LUZP2: variants seen among roughly 807,000 people sequenced by gnomAD.
LUZP2 encodes leucine zipper protein 2.
In LUZP2, 52 loss-of-function variants were observed where a neutral mutation model predicts 51.6. The ratio of observed to expected loss-of-function variants is 1.01; its 90% CI spans 0.81 to 1.27. LUZP2 has a LOEUF of 1.27. LUZP2 is among the 50% of genes most tolerant of loss of function. The probability of loss-of-function intolerance (pLI) is 0.00; values close to 1 mark genes in which losing one functional copy is unlikely to be tolerated. For synonymous variants in LUZP2, 154 were observed against 137.3 expected (o/e 1.12, Z -0.85); for missense variants, 436 against 395.4 (o/e 1.10, Z -0.87).
chr11:24,646,028 T>A (rs962022830), intron 1 of LUZP2, among the ~76,000 whole-genome samples: 4 of 152,070 alleles, frequency 2.6e-5, no homozygotes, highest in African/African-American at 9.7e-5. Flanking sequence ...CTGCCTCTCA[T>A]GAGTTGTGTG....
At chr11:24,676,270 A>T (rs2133859609) in intron 1 of LUZP2, among the ~76,000 whole-genome samples, 1 of 152,348 alleles carries the variant, frequency 6.6e-6, no homozygotes, top group East Asian at 1.9e-4. Context: ...TAATTTTTAT[A>T]GGCTGAAATT....
intron 5 of LUZP2, chr11:24,891,441 C>T: frequency 1.0e-6 from 1 of 956,876 alleles, no homozygotes; most frequent in African/African-American, 1.8e-5. Flanking sequence ...TGGAAAACAC[C>T]TTTTGGTTCC....
intron 1 of LUZP2, among the ~76,000 whole-genome samples, chr11:24,716,757 A>T (rs1217730185): frequency 6.6e-6 from 1 of 152,112 alleles, no homozygotes; most frequent in East Asian, 1.9e-4. Flanking sequence ...TGTTCTGGGC[A>T]TGATGGCAGG....
intron 9 of LUZP2, among the ~76,000 whole-genome samples, chr11:25,040,137 G>A (rs1170663279): frequency 1.3e-5 from 2 of 151,880 alleles, no homozygotes; most frequent in African/African-American, 4.8e-5. Flanking sequence ...TAATATATTT[G>A]GCAAACTTAA....
At chr11:24,962,456 G>A (rs1458422991) in intron 7 of LUZP2, among the ~76,000 whole-genome samples, 1 of 152,140 alleles carries the variant, frequency 6.6e-6, no homozygotes, top group Non-Finnish European at 1.5e-5. Context: ...TGGAGGCTTT[G>A]TTCATTTCTT....
In LUZP2 at chr11:25,080,076, A is replaced by G. The variant is rs1859422837; in HGVS notation, c.*1418A>G. The G allele has an allele frequency of 6.6e-6, 1 of 152,172 alleles. No homozygotes were observed. Among genetic ancestry groups the G allele is most frequent in the Non-Finnish European group, 1.5e-5 (1 of 68,028 alleles). The allele number at this position is 152,172 out of a possible 1,614,324, so 9.4% of individuals were successfully genotyped here. A position where few individuals can be genotyped will look rare whatever the true frequency, so the allele number is the denominator to read the frequency against. The stretch of plus-strand genomic sequence containing the variant: ...TATGACATATTTATGTAGCACTTCT[A>G]TTTTCAGAATAGTTCAGTGTCATTC... On this transcript the variant is annotated 3_prime_UTR_variant, in exon 12 of 12. Transcript: ENST00000336930.
At chr11:24,527,852 C>T (rs1327793964) in intron 1 of LUZP2, among the ~76,000 whole-genome samples, 1 of 151,342 alleles carries the variant, frequency 6.6e-6, no homozygotes, top group African/African-American at 2.4e-5. Flanking sequence ...TCCTAAAAAT[C>T]TTTCAGACCC....
At chr11:24,585,282 T>A (rs879351148) in intron 1 of LUZP2, among the ~76,000 whole-genome samples, 6 of 152,146 alleles carry the variant, frequency 3.9e-5, no homozygotes, top group South Asian at 2.1e-4. Flanking sequence ...CACTATTGTT[T>A]TTAATGAAAA....
intron 5 of LUZP2, among the ~76,000 whole-genome samples, chr11:24,868,025 A>G (rs929994183): frequency 2.0e-5 from 3 of 152,136 alleles, no homozygotes; most frequent in African/African-American, 7.2e-5. Flanking sequence ...GCATCTTCAC[A>G]GCTCTCATTA....
intron 7 of LUZP2, among the ~76,000 whole-genome samples, chr11:24,964,224 A>G (rs533920825): frequency 6.6e-6 from 1 of 152,184 alleles, no homozygotes; most frequent in African/African-American, 2.4e-5. Context: ...GAGAATATTT[A>G]GATGTTAATT....
intron 5 of LUZP2, among the ~76,000 whole-genome samples, chr11:24,860,120 A>G (rs72872489): frequency 0.16 from 23,674 of 152,232 alleles, 1,995 homozygotes; most frequent in African/African-American, 0.21. Flanking sequence ...CCAGGGAGGC[A>G]TAAAGGCCTA....
chr11:24,648,766 C>T (rs1855538880), intron 1 of LUZP2, among the ~76,000 whole-genome samples: 1 of 151,906 alleles, frequency 6.6e-6, no homozygotes, highest in Non-Finnish European at 1.5e-5. Context: ...GACTATGTTA[C>T]TAAATCCTTG....
At chr11:24,609,137 A>G (rs1405501752) in intron 1 of LUZP2, among the ~76,000 whole-genome samples, 2 of 152,160 alleles carry the variant, frequency 1.3e-5, no homozygotes, top group Non-Finnish European at 2.9e-5. Flanking sequence ...CTACCGAGGC[A>G]CTGACCACCA....
intron 9 of LUZP2, among the ~76,000 whole-genome samples, chr11:25,001,785 CT>C (rs1249710669): frequency 6.6e-6 from 1 of 151,840 alleles, no homozygotes; most frequent in East Asian, 1.9e-4. Flanking sequence ...TTGACTTTGT[CT>C]CTCTATCTCT....
chr11:24,930,858 A>G (rs1164498190), intron 7 of LUZP2, among the ~76,000 whole-genome samples: 1 of 152,116 alleles, frequency 6.6e-6, no homozygotes, highest in African/African-American at 2.4e-5. Flanking sequence ...CAGGAACACT[A>G]ATTATTCTTA....
At chr11:24,714,784 A>T (rs538867999) in intron 1 of LUZP2, among the ~76,000 whole-genome samples, 1 of 152,334 alleles carries the variant, frequency 6.6e-6, no homozygotes, top group African/African-American at 2.4e-5. Flanking sequence ...GAGAAATTTG[A>T]TAGCCTGACT....
At chr11:24,558,562 C>G (rs1056041035) in intron 1 of LUZP2, among the ~76,000 whole-genome samples, 1 of 152,060 alleles carries the variant, frequency 6.6e-6, no homozygotes, top group Admixed American at 6.6e-5. Flanking sequence ...GACAATCTTG[C>G]AAATTAGAAA....
chr11:24,965,249 C>T (rs1855546327), intron 7 of LUZP2, among the ~76,000 whole-genome samples: 1 of 147,380 alleles, frequency 6.8e-6, no homozygotes, highest in Non-Finnish European at 1.5e-5. Flanking sequence ...ACATGTAATT[C>T]AAGTTTATGA....
intron 1 of LUZP2, among the ~76,000 whole-genome samples, chr11:24,627,130 C>A (rs1295868136): frequency 3.3e-5 from 5 of 152,060 alleles, no homozygotes; most frequent in Non-Finnish European, 5.9e-5. Context: ...GATGTGAGTA[C>A]ACAGATAATA....
Sources: allele counts gnomAD v4.1 joint callset (sites outside exome capture counted in the v4.1 genomes callset), GRCh38; gene constraint gnomAD v4.1.1; transcripts MANE v1.5; gene names NCBI Gene and HGNC (gene_info 2026-07-23, HGNC 2026-07-21).